NR3C2: variants seen among roughly 807,000 people sequenced by gnomAD.
NR3C2 encodes the protein nuclear receptor subfamily 3 group C member 2.
Under a neutral mutation model 86.4 loss-of-function variants are expected in NR3C2, and 15 were observed. That is an observed-to-expected ratio of 0.17 (90% confidence interval 0.12 to 0.27). NR3C2 has a LOEUF of 0.27. Ranked by LOEUF, NR3C2 falls within the 10% of genes least tolerant of loss-of-function variation. NR3C2 has a pLI of 1.00. For synonymous variants in NR3C2, 458 were observed against 450.5 expected (o/e 1.02, Z -0.21); for missense variants, 960 against 1,195.6 (o/e 0.80, Z 2.91).
chr4:148,444,562 A>C (rs549427529), upstream of NR3C2: 117 of 987,852 alleles, frequency 1.2e-4, no homozygotes, highest in South Asian at 4.9e-3. Context: ...GGGGCGGGGG[A>C]AGGGGAACGG....
chr4:148,154,605 G>C lies in NR3C2; in HGVS notation c.2311C>G (p.Arg771Gly). The change falls in exon 5 of 9, where the codon CGC (arginine) becomes GGC (glycine). Residue 771 changes from arginine (R) to glycine (G), a missense_variant. Around this residue, in one of 4 missense-constraint regions of NR3C2, gnomAD observed 151 missense variants for 296.3 expected, o/e 0.51. Transcript: ENST00000358102. ...TGGATCATCTGTTTGCCTGCTAAGC[G>C]GTTGAGCGTGGAGAGCAGATTTTCG... ...TAENLLSTLN[R>G]LAGKQMIQVV... 1 of 1,614,192 alleles carries C rather than the reference G, an allele frequency of 6.2e-7. No homozygotes were observed. The highest frequency in any genetic ancestry group is 8.5e-7 in the Non-Finnish European group (1 of 1,180,040).
intron 2 of NR3C2, among the ~76,000 whole-genome samples, chr4:148,272,365 T>C (rs1385708269): frequency 1.3e-5 from 2 of 152,218 alleles, no homozygotes; most frequent in Non-Finnish European, 2.9e-5. Flanking sequence ...AACATCTGTT[T>C]CTTACAAATG....
At chr4:148,368,867 C>A (rs1377072207) in intron 2 of NR3C2, among the ~76,000 whole-genome samples, 2 of 152,222 alleles carry the variant, frequency 1.3e-5, no homozygotes, top group Non-Finnish European at 2.9e-5. Flanking sequence ...CCAAAAGACA[C>A]AGCCATGTAG....
intron 8 of NR3C2, among the ~76,000 whole-genome samples, chr4:148,086,577 AAAAT>A (rs771424561): frequency 2.6e-5 from 4 of 152,258 alleles, no homozygotes; most frequent in East Asian, 1.9e-4. Context: ...TCCACTTAAA[AAAAT>A]AAATAAATAA....
chr4:148,354,126 C>A (rs1329471687), intron 2 of NR3C2, among the ~76,000 whole-genome samples: 1 of 152,112 alleles, frequency 6.6e-6, no homozygotes, highest in African/African-American at 2.4e-5. Context: ...GCAAGACCAT[C>A]TATTCCCTTC....
intron 6 of NR3C2, among the ~76,000 whole-genome samples, chr4:148,126,767 T>C (rs553737691): frequency 1.7e-4 from 26 of 152,216 alleles, no homozygotes; most frequent in Non-Finnish European, 3.2e-4. Context: ...CTCTACAGTC[T>C]CCATAGCTAT....
intron 4 of NR3C2, among the ~76,000 whole-genome samples, chr4:148,178,543 G>A (rs1735489952): frequency 1.3e-5 from 2 of 151,720 alleles, no homozygotes; most frequent in African/African-American, 4.8e-5. Context: ...TTGTAGTAGA[G>A]ATGTGTTTAT....
intron 2 of NR3C2, among the ~76,000 whole-genome samples, chr4:148,409,177 A>T (rs1748568027): frequency 6.6e-6 from 1 of 152,156 alleles, no homozygotes; most frequent in Non-Finnish European, 1.5e-5. Context: ...CCCAGTTTAG[A>T]CTGTCATTAG....
At chr4:148,088,681 A>G (rs1364195977) in intron 8 of NR3C2, among the ~76,000 whole-genome samples, 14 of 130,604 alleles carry the variant, frequency 1.1e-4, no homozygotes, top group South Asian at 2.7e-4. Flanking sequence ...ACATGGACAC[A>G]GGGAGGGGAA....
Position 148,180,138 on chromosome 4 carries a change from T to C in NR3C2, c.2014+14608A>G, listed in dbSNP as rs1381408610. On this transcript the variant is annotated intron_variant, in intron 4 of 8. Transcript: ENST00000358102. ...TATTGGATTTCAGATATTAAACCTA[T>C]TCTCTTGCTGGTGTTGATCCTGTAA... 2.0e-5 allele frequency among the ~76,000 whole-genome samples: 3 copies of C among 151,880 alleles called. 1 individual carries two copies. The highest frequency in any genetic ancestry group is 4.4e-5 in the Non-Finnish European group (3 of 67,920).
intron 2 of NR3C2, among the ~76,000 whole-genome samples, chr4:148,398,060 C>T (rs1426504717): frequency 6.6e-6 from 1 of 152,112 alleles, no homozygotes. Flanking sequence ...TATGGTTTCC[C>T]CTGTGTTTCT....
At chr4:148,239,557 G>T (rs898246336) in intron 3 of NR3C2, among the ~76,000 whole-genome samples, 1 of 152,194 alleles carries the variant, frequency 6.6e-6, no homozygotes, top group Non-Finnish European at 1.5e-5. Context: ...TCTAAAATGT[G>T]AAGAGAACCA....
At position 148,230,855 on chromosome 4, in the gene NR3C2, C is replaced by T. The variant is rs111728231; in HGVS notation, c.1897+29123G>A. Among the ~76,000 whole-genome samples the T allele has an allele frequency of 9.7e-3, 1,470 of 152,220 alleles. 19 individuals carry two copies. The highest frequency in any genetic ancestry group is 0.033 in the African/African-American group (1,369 of 41,538). ...TAAATCCAACAGACCATGTGATTTC[C>T]TAGTATCACATTATAGGTTAACAAC... On this transcript the variant is annotated intron_variant, in intron 3 of 8. Transcript: ENST00000358102.
chr4:148,358,947 T>C (rs999536883), intron 2 of NR3C2, among the ~76,000 whole-genome samples: 5 of 122,886 alleles, frequency 4.1e-5, no homozygotes, highest in Non-Finnish European at 5.0e-5. Flanking sequence ...TAAAATAAGC[T>C]AAACCACAAT....
At chr4:148,180,920 T>C (rs1209079782) in intron 4 of NR3C2, among the ~76,000 whole-genome samples, 1 of 152,192 alleles carries the variant, frequency 6.6e-6, no homozygotes, top group African/African-American at 2.4e-5. Context: ...TGGCGTTGTT[T>C]CCCTTCCCTC....
intron 2 of NR3C2, among the ~76,000 whole-genome samples, chr4:148,369,566 A>G (rs1746312981): frequency 6.6e-6 from 1 of 152,224 alleles, no homozygotes; most frequent in African/African-American, 2.4e-5. Flanking sequence ...GAAAAGTGAT[A>G]CTTAAATACT....
At chr4:148,194,280 C>T (rs571605117) in intron 4 of NR3C2, among the ~76,000 whole-genome samples, 100 of 152,216 alleles carry the variant, frequency 6.6e-4, no homozygotes, top group Non-Finnish European at 1.2e-3. Context: ...GTTTTTTACC[C>T]TCTCCTCCTC....
At chr4:148,131,949 T>C (rs1339823752) in intron 6 of NR3C2, among the ~76,000 whole-genome samples, 1 of 152,216 alleles carries the variant, frequency 6.6e-6, no homozygotes, top group Non-Finnish European at 1.5e-5. Flanking sequence ...GAAGGGGCCT[T>C]GTTATATGGC....
chr4:148,290,858 A>G (rs1741763215), intron 2 of NR3C2, among the ~76,000 whole-genome samples: 1 of 152,196 alleles, frequency 6.6e-6, no homozygotes, highest in South Asian at 2.1e-4. Flanking sequence ...TATGAGGTTC[A>G]TCAGTTTAAA....
Sources: allele counts gnomAD v4.1 joint callset (sites outside exome capture counted in the v4.1 genomes callset), GRCh38; gene constraint gnomAD v4.1.1; regional missense constraint gnomAD v4.1.1; transcripts MANE v1.5; gene names NCBI Gene and HGNC (gene_info 2026-07-23, HGNC 2026-07-21).